Variants in CKM observed in about 807,000 individuals in gnomAD.
CKM encodes creatine kinase, M-type.
Under a neutral mutation model 35.4 loss-of-function variants are expected in CKM, and 28 were observed. The observed-to-expected ratio is 0.79, with a 90% CI of 0.59 to 1.08. CKM has a LOEUF of 1.08. Among genes scored for constraint, CKM ranks in the 50% least tolerant of loss-of-function variants. The probability of loss-of-function intolerance (pLI) is 0.00; values close to 1 mark genes in which losing one functional copy is unlikely to be tolerated. For synonymous variants in CKM, 215 were observed against 204.4 expected (o/e 1.05, Z -0.44); for missense variants, 484 against 509.8 (o/e 0.95, Z 0.49).
intron 4 of CKM, among the ~76,000 whole-genome samples, chr19:45,315,049 A>G (rs900808716): frequency 5.3e-5 from 8 of 151,624 alleles, no homozygotes. Context: ...TCTCCACCAC[A>G]CCCATGTCTT....
At chr19:45,319,956 AT>A (rs1348006629) in intron 1 of CKM, among the ~76,000 whole-genome samples, 1 of 151,242 alleles carries the variant, frequency 6.6e-6, no homozygotes, top group Non-Finnish European at 1.5e-5. Context: ...ACGCCGGCTC[AT>A]TTTTTGTATT....
chr19:45,307,644 C>A lies in CKM; in HGVS notation c.784G>T (p.Glu262Ter). ...GGGTGGCCAGCTTTCTTAAAGATCT[C>A]CTCAATCTGAGGTTCAGAGAGAGGA... ...RFCVGLQKIEEIFKKAGHPFM... is the reference protein window; with the variant it reads ...RFCVGLQKIE The change falls in exon 7 of 8, where the codon GAG (glutamate) becomes TAG (stop). Residue 262 changes from glutamate (E) to a stop codon, truncating the protein, a stop_gained. Coordinates refer to ENST00000221476, the MANE Select transcript of CKM (RefSeq NM_001824.5). LOFTEE classifies it high-confidence loss of function. 1.1e-5 allele frequency: 18 copies of A among 1,613,750 alleles called. No individual in the cohort carries two copies. Among genetic ancestry groups the A allele is most frequent in the Non-Finnish European group, 1.5e-5 (18 of 1,179,974 alleles).
rs780548638 is a variant in CKM, at chr19:45,311,755, C to T, written c.647G>A (p.Gly216Asp). The change falls in exon 5 of 8, where the codon GGC (glycine) becomes GAC (aspartate). Residue 216 changes from glycine (G) to aspartate (D), a missense_variant. By Grantham distance (94) the Gly-to-Asp change is moderately conservative. Coordinates refer to ENST00000221476, the MANE Select transcript of CKM (RefSeq NM_001824.5). ...GGGCGGGGAGGGGCCTCACCAGATG[C>T]CACGGGCGTCGGGCCAGTCGCGGGC... ...GMARDWPDAR[G>D]IWHNDNKSFL... The T allele has an allele frequency of 1.3e-6, 2 of 1,580,648 alleles. No individual in the cohort carries two copies. The highest frequency in any genetic ancestry group is 2.3e-5 in the South Asian group (2 of 87,728).
intron 3 of CKM, among the ~76,000 whole-genome samples, chr19:45,316,355 G>T (rs959402226): frequency 6.6e-6 from 1 of 151,368 alleles, no homozygotes; most frequent in African/African-American, 2.4e-5. Context: ...ATAGAGACAG[G>T]GTGTCACTAT....
chr19:45,322,485 G>A (rs939555247), intron 1 of CKM, among the ~76,000 whole-genome samples: 34 of 151,954 alleles, frequency 2.2e-4, no homozygotes, highest in South Asian at 8.3e-4. Context: ...CAGTGTTGGC[G>A]ACAAACTGTA....
At chr19:45,314,445 A>T (rs988615593) in intron 4 of CKM, among the ~76,000 whole-genome samples, 1 of 151,798 alleles carries the variant, frequency 6.6e-6, no homozygotes, top group African/African-American at 2.4e-5. Context: ...ATGGAGTCAC[A>T]CTCTGTCCCC....
At chr19:45,312,566 G>T (rs11878815) in intron 4 of CKM, among the ~76,000 whole-genome samples, 1 of 151,562 alleles carries the variant, frequency 6.6e-6, no homozygotes, top group African/African-American at 2.4e-5. Flanking sequence ...GGGATTACAG[G>T]CATGCGCCAC....
At chr19:45,316,058 G>A (rs1304246424) in intron 3 of CKM, among the ~76,000 whole-genome samples, 3 of 151,812 alleles carry the variant, frequency 2.0e-5, no homozygotes, top group Non-Finnish European at 2.9e-5. Flanking sequence ...GGCTGGGCGC[G>A]GTGGCTCACA....
Position 45,319,654 on chromosome 19 carries a change from G to C in CKM, c.60C>G (p.Tyr20Ter). ...GGTTGTTATGTTTGCTGAGGTCGGGGTACTCCTCCTCAGGCTTGTAATTCA... is the reference window on the plus strand; with the variant it reads ...GGTTGTTATGTTTGCTGAGGTCGGGCTACTCCTCCTCAGGCTTGTAATTCA... ...FKLNYKPEEE[Y>*]PDLSKHNNHM... Residue 20 changes from tyrosine (Y) to a stop codon, truncating the protein, a stop_gained, in exon 2 of 8, where the codon TAC becomes TAG. Coordinates refer to ENST00000221476, the MANE Select transcript of CKM (RefSeq NM_001824.5). LOFTEE classifies it high-confidence loss of function. The C allele has an allele frequency of 1.9e-6, 3 of 1,614,182 alleles. No individual in the cohort carries two copies. Among genetic ancestry groups the C allele is most frequent in the Non-Finnish European group, 1.7e-6 (2 of 1,180,020 alleles).
chr19:45,307,866 GTTT>G (rs34729831), intron 6 of CKM, among the ~76,000 whole-genome samples: 11 of 124,180 alleles, frequency 8.9e-5, no homozygotes, highest in African/African-American at 2.9e-4. Context: ...TTGAAGGCGG[GTTT>G]TTTTTTTTTT....
At position 45,310,759 on chromosome 19, in the gene CKM, C is replaced by CTTTTTTT. The variant is rs3047558; in HGVS notation, c.653+983_653+989dup. On this transcript the variant is annotated intron_variant, in intron 5 of 7. Coordinates refer to ENST00000221476, the MANE Select transcript of CKM (RefSeq NM_001824.5). ...CACAGGTATACGCCATCACGCCTGG[C>CTTTTTTT]TTTTTTTTTTTTTTTTTTTTTTTTT... Among the ~76,000 whole-genome samples the CTTTTTTT allele has an allele frequency of 1.6e-4, 8 of 50,284 alleles. 1 individual carries two copies. The highest frequency in any genetic ancestry group is 2.7e-4 in the African/African-American group (3 of 11,080). The allele number at this position is 50,284 out of a possible 152,430, so 33.0% of individuals were successfully genotyped here.
At chr19:45,318,793 C>T (rs1346750064) in intron 2 of CKM, among the ~76,000 whole-genome samples, 1 of 152,116 alleles carries the variant, frequency 6.6e-6, no homozygotes, top group African/African-American at 2.4e-5. Flanking sequence ...CCCCTCCACT[C>T]CCAGCTCTCT....
rs180724747 is a variant in CKM, at chr19:45,320,005, A to G, written c.-18-274T>C. Reference sequence around the variant, plus strand: ...GGGGTTTCACCATGTTAGCCAGGATAGTCTTGATCTCCTGACCTTGTGATC... The same window carrying G: ...GGGGTTTCACCATGTTAGCCAGGATGGTCTTGATCTCCTGACCTTGTGATC... On this transcript the variant is annotated intron_variant, in intron 1 of 7. Coordinates refer to ENST00000221476, the MANE Select transcript of CKM (RefSeq NM_001824.5). Among the ~76,000 whole-genome samples, 651 of 151,416 alleles carry G rather than the reference A, an allele frequency of 4.3e-3. 1 individual carries two copies. Among genetic ancestry groups the G allele is most frequent in the African/African-American group, 0.014 (594 of 41,258 alleles).
chr19:45,307,003 A>C, intron 7 of CKM, 75 bp from the exon 8 acceptor site: 1 of 1,475,896 alleles, frequency 6.8e-7, no homozygotes, highest in Non-Finnish European at 9.4e-7. Context: ...CCCGTGCCAA[A>C]TGCAACAGCC....
intron 1 of CKM, among the ~76,000 whole-genome samples, chr19:45,320,890 CTATTATTATTAT>C (rs61014137): frequency 6.8e-6 from 1 of 146,220 alleles, no homozygotes; most frequent in Non-Finnish European, 1.5e-5. Flanking sequence ...CACTTAGCTG[CTATTATTATTAT>C]TATTATTATT....
intron 6 of CKM, 92 bp downstream of exon 6, chr19:45,308,317 G>C (rs1304241703): frequency 1.3e-6 from 2 of 1,512,908 alleles, no homozygotes; most frequent in Non-Finnish European, 1.8e-6. Flanking sequence ...GGGTGGGGCA[G>C]GGCTTAGTAT....
intron 5 of CKM, 35 bp from the exon 6 acceptor site, chr19:45,308,567 T>C: frequency 2.5e-6 from 4 of 1,613,098 alleles, no homozygotes; most frequent in Middle Eastern, 1.7e-4. Flanking sequence ...GGCCAAGGTG[T>C]CAGCCCCGTG....
chr19:45,311,702 G>A (rs1161997989), intron 5 of CKM, 47 bp downstream of exon 5: 2 of 1,504,968 alleles, frequency 1.3e-6, no homozygotes, highest in African/African-American at 2.8e-5. Context: ...TGCAGGACTG[G>A]AGGAGGCTGG....
At chr19:45,307,681 C>G in intron 6 of CKM, 31 bp from the exon 7 acceptor site, 1 of 1,596,836 alleles carries the variant, frequency 6.3e-7, no homozygotes, top group Non-Finnish European at 8.6e-7. Context: ...CAGGGGTCAG[C>G]GCCGGCAGGC....
Sources: gnomAD v4.1 joint callset for allele counts (sites outside exome capture counted in the v4.1 genomes callset) on GRCh38, gnomAD v4.1.1 for gene constraint, MANE v1.5 for transcripts, NCBI Gene and HGNC (gene_info 2026-07-23, HGNC 2026-07-21) for gene names.